Variants in ASTN2 observed in about 807,000 individuals in gnomAD.
ASTN2 encodes astrotactin-2.
In ASTN2, 54 loss-of-function variants were observed where a neutral mutation model predicts 139.8. The observed-to-expected ratio is 0.39, with a 90% CI of 0.31 to 0.48. The LOEUF (loss-of-function observed/expected upper bound fraction) is 0.48. Among genes scored for constraint, ASTN2 ranks in the 20% least tolerant of loss-of-function variants. The pLI, the probability that ASTN2 is intolerant of heterozygous loss-of-function variation, is 0.95. For missense variants in ASTN2, 1,565 were observed against 1,725.1 expected (o/e 0.91, Z 1.64); for synonymous variants, 756 against 719.5 (o/e 1.05, Z -0.81).
chr9:117,127,045 G>A (rs887989597), intron 4 of ASTN2, among the ~76,000 whole-genome samples: 2 of 152,284 alleles, frequency 1.3e-5, no homozygotes, highest in Admixed American at 6.5e-5. Context: ...ATCATCCTAC[G>A]GCAGGATAAT....
chr9:117,347,440 C>T (rs1001152336), intron 1 of ASTN2, among the ~76,000 whole-genome samples: 3 of 151,870 alleles, frequency 2.0e-5, no homozygotes, highest in African/African-American at 7.3e-5. Flanking sequence ...ATGCTAGATA[C>T]GGCTAAGTCT....
At chr9:117,283,484 G>A (rs1366456504) in intron 2 of ASTN2, among the ~76,000 whole-genome samples, 1 of 152,130 alleles carries the variant, frequency 6.6e-6, no homozygotes, top group East Asian at 1.9e-4. Context: ...AAAGTACTTG[G>A]GATATTTGTG....
rs1831276351 is a variant in ASTN2 at position 117,414,653 on chromosome 9, C to CCCCGGT, written c.280_285dup (p.Thr94_Gly95dup). 12 of 1,358,150 alleles carry CCCCGGT rather than the reference C, an allele frequency of 8.8e-6. No homozygotes were observed. The South Asian group carries it at 1.6e-4, about 18-fold the overall frequency. 84.1% of individuals were successfully genotyped at this position (1,358,150 alleles called of 1,614,324 possible). ...GACGCGGCGGCGGCGGCGGCTCCGG[C>CCCCGGT]CCCGGTCCCAGCCCCGGCCCCGGCG... On this transcript the variant is annotated inframe_insertion, in exon 1 of 23. Transcript: ENST00000313400. The surrounding 1 kb of genome is among the most constrained non-coding windows in gnomAD (Gnocchi z 4.2).
intron 19 of ASTN2, among the ~76,000 whole-genome samples, chr9:116,535,663 T>G (rs1851588717): frequency 6.6e-6 from 1 of 152,178 alleles, no homozygotes; most frequent in Non-Finnish European, 1.5e-5. Flanking sequence ...ATTCTTTTAT[T>G]TAAGAATGTT....
At chr9:116,936,209 TCACCAC>T (rs1294855419) in intron 10 of ASTN2, among the ~76,000 whole-genome samples, 8 of 77,652 alleles carry the variant, frequency 1.0e-4, no homozygotes, top group African/African-American at 4.0e-4. Flanking sequence ...ACCATCACCA[TCACCAC>T]CACCACCACT....
intron 10 of ASTN2, among the ~76,000 whole-genome samples, chr9:116,967,652 A>G (rs1184373008): frequency 1.3e-5 from 2 of 152,170 alleles, no homozygotes; most frequent in African/African-American, 4.8e-5. Flanking sequence ...CAAGGGCAAG[A>G]AGTCAGTTTT....
chr9:116,977,592 T>C (rs1836381142), intron 7 of ASTN2, among the ~76,000 whole-genome samples: 1 of 152,162 alleles, frequency 6.6e-6, no homozygotes, highest in African/African-American at 2.4e-5. Flanking sequence ...CCAGCATATG[T>C]CCAATTTCCT....
At chr9:117,349,083 A>C (rs1024770274) in intron 1 of ASTN2, among the ~76,000 whole-genome samples, 9 of 152,202 alleles carry the variant, frequency 5.9e-5, no homozygotes, top group Non-Finnish European at 1.2e-4. Context: ...CGGGAGGCCC[A>C]TTGATCATCA....
intron 11 of ASTN2, among the ~76,000 whole-genome samples, chr9:116,824,291 A>G (rs773215032): frequency 3.9e-4 from 59 of 152,340 alleles, no homozygotes; most frequent in Non-Finnish European, 7.2e-4. Context: ...CTGCACCAGA[A>G]TTGGTCTATG....
intron 3 of ASTN2, among the ~76,000 whole-genome samples, chr9:117,157,199 C>G (rs931187436): frequency 1.3e-4 from 19 of 151,960 alleles, no homozygotes; most frequent in African/African-American, 4.3e-4. Context: ...CAGCCTCCCA[C>G]CTGTCTCTTT....
chr9:117,222,681 A>G (rs987904025), intron 2 of ASTN2, among the ~76,000 whole-genome samples: 4 of 152,096 alleles, frequency 2.6e-5, no homozygotes, highest in East Asian at 1.9e-4. Context: ...GTTAACTTCA[A>G]TGCATCTACT....
chr9:117,120,591 A>G (rs1222632552), intron 4 of ASTN2, among the ~76,000 whole-genome samples: 1 of 152,130 alleles, frequency 6.6e-6, no homozygotes, highest in African/African-American at 2.4e-5. Flanking sequence ...TGGAGTCACA[A>G]CCTAGGTGTA....
intron 10 of ASTN2, among the ~76,000 whole-genome samples, chr9:116,926,417 C>G (rs1834757170): frequency 6.6e-6 from 1 of 152,196 alleles, no homozygotes; most frequent in Non-Finnish European, 1.5e-5. Flanking sequence ...TTCATCTGCT[C>G]TTGTAGAAAC....
intron 19 of ASTN2, among the ~76,000 whole-genome samples, chr9:116,592,425 G>A (rs1452451912): frequency 6.6e-6 from 1 of 151,936 alleles, no homozygotes; most frequent in Non-Finnish European, 1.5e-5. Flanking sequence ...AACTCACTCA[G>A]TATCACAAGA....
chr9:116,791,793 A>G (rs1830567248), intron 13 of ASTN2, among the ~76,000 whole-genome samples: 1 of 152,178 alleles, frequency 6.6e-6, no homozygotes, highest in African/African-American at 2.4e-5. Flanking sequence ...CAGATGTCTC[A>G]GTGATTCAGA....
chr9:117,129,052 A>T (rs1261324276), intron 4 of ASTN2, among the ~76,000 whole-genome samples: 2 of 152,228 alleles, frequency 1.3e-5, no homozygotes, highest in Non-Finnish European at 2.9e-5. Context: ...GGGTGGGCAC[A>T]CAGAGCCAAA....
At chr9:117,190,213 T>A (rs1428896772) in intron 3 of ASTN2, among the ~76,000 whole-genome samples, 1 of 152,206 alleles carries the variant, frequency 6.6e-6, no homozygotes. Flanking sequence ...GATCCTTCAG[T>A]CACCAAGTGA....
intron 1 of ASTN2, among the ~76,000 whole-genome samples, chr9:117,314,867 AAT>A (rs1828091348): frequency 6.8e-6 from 1 of 146,198 alleles, no homozygotes; most frequent in Non-Finnish European, 1.5e-5. Context: ...TAATATTATA[AAT>A]ATATATGTAC....
chr9:117,261,215 A>C (rs1221035032), intron 2 of ASTN2, among the ~76,000 whole-genome samples: 1 of 152,166 alleles, frequency 6.6e-6, no homozygotes, highest in Non-Finnish European at 1.5e-5. Context: ...GGGCATTTTC[A>C]CTCAGTTTTG....
Sources: allele counts gnomAD v4.1 joint callset (sites outside exome capture counted in the v4.1 genomes callset), GRCh38; gene constraint gnomAD v4.1.1; non-coding constraint Gnocchi (gnomAD v3.1); transcripts MANE v1.5; gene names NCBI Gene and HGNC (gene_info 2026-07-23, HGNC 2026-07-21).